Variants in RPTOR observed in about 807,000 individuals in gnomAD.
RPTOR encodes the protein regulatory-associated protein of mTOR.
Under a neutral mutation model 169.9 loss-of-function variants are expected in RPTOR, and 21 were observed. The ratio of observed to expected loss-of-function variants is 0.12; its 90% CI spans 0.09 to 0.18. The LOEUF is 0.18. RPTOR is among the 10% of genes least tolerant of loss of function. The probability of loss-of-function intolerance (pLI) is 1.00; values close to 1 mark genes in which losing one functional copy is unlikely to be tolerated. For synonymous variants in RPTOR, 732 were observed against 753.2 expected (o/e 0.97, Z 0.46); for missense variants, 1,133 against 1,855.9 (o/e 0.61, Z 7.16).
Position 80,959,979 on chromosome 17 carries a change from C to T in RPTOR, c.3478-99C>T, listed in dbSNP as rs1245777081. 1.4e-6 allele frequency: 2 copies of T among 1,478,584 alleles called. No individual in the cohort carries two copies. Among genetic ancestry groups the T allele is most frequent in the Middle Eastern group, 2.3e-4 (1 of 4,258 alleles). The allele number at this position is 1,478,584 out of a possible 1,614,324, so 91.6% of individuals were successfully genotyped here. A position where few individuals can be genotyped will look rare whatever the true frequency, so the allele number is the denominator to read the frequency against. On this transcript the variant is annotated intron_variant, in intron 29 of 33. Transcript: ENST00000306801. The surrounding 1 kb of genome is among the most constrained non-coding windows in gnomAD (Gnocchi z 6.7). ...CTGCAGCCAGGGAGGGTGATCCCCA[C>T]AGCCAGGCAGGCAGCAAGAGGGGTC...
At chr17:80,704,067 T>C (rs1173911165) in intron 3 of RPTOR, among the ~76,000 whole-genome samples, 1 of 152,182 alleles carries the variant, frequency 6.6e-6, no homozygotes, top group Non-Finnish European at 1.5e-5. Context: ...ATGGGGCTGT[T>C]GCTGCTGCGC....
chr17:80,867,893 G>A (rs9912092), intron 13 of RPTOR, among the ~76,000 whole-genome samples: 84,296 of 152,046 alleles, frequency 0.55, 24,254 homozygotes, highest in African/African-American at 0.71. Context: ...GAGATCGTCC[G>A]TTATCTTGAT....
chr17:80,731,503 G>A (rs555516037), intron 5 of RPTOR, among the ~76,000 whole-genome samples: 1 of 152,280 alleles, frequency 6.6e-6, no homozygotes, highest in South Asian at 2.1e-4. Context: ...GAAAGCCTGT[G>A]CACCGCTCTG....
intron 23 of RPTOR, 50 bp from the exon 24 acceptor site, chr17:80,925,320 A>T (rs758141413): frequency 1.3e-6 from 2 of 1,509,018 alleles, no homozygotes; most frequent in East Asian, 2.3e-5. Context: ...GAGTGGCATG[A>T]CTGACTGGTG....
chr17:80,646,257 C>G lies in RPTOR; in HGVS notation c.348+2447C>G, dbSNP rs998725590. Among the ~76,000 whole-genome samples, 1 of 152,162 alleles carries G rather than the reference C, an allele frequency of 6.6e-6. No homozygotes were observed. The highest frequency in any genetic ancestry group is 2.4e-5 in the African/African-American group (1 of 41,434). On this transcript the variant is annotated intron_variant, in intron 3 of 33. Transcript: ENST00000306801. This position sits in a 1 kb window ranked among gnomAD's most constrained non-coding sequence, Gnocchi z 5.0. ...GTACAATAAAAATGTTTAAAAATTT[C>G]CTGCTACTATCCATGAGCGGGCCTC...
At position 80,844,051 on chromosome 17, in the gene RPTOR, G is replaced by T. The variant is rs1598348196; in HGVS notation, c.1213-2422G>T. Reference sequence around the variant, plus strand: ...ATGGACTTCGCTCCCCTGCACGCAGGGGCCAGCTCAGGAGCTCTTCATGGG... The same window carrying T: ...ATGGACTTCGCTCCCCTGCACGCAGTGGCCAGCTCAGGAGCTCTTCATGGG... On this transcript the variant is annotated intron_variant, in intron 10 of 33. Coordinates refer to ENST00000306801, the MANE Select transcript of RPTOR (RefSeq NM_020761.3). The surrounding 1 kb of genome is among the most constrained non-coding windows in gnomAD (Gnocchi z 4.7). 6.6e-6 allele frequency among the ~76,000 whole-genome samples: 1 copy of T among 152,150 alleles called. No homozygotes were observed. Among genetic ancestry groups the T allele is most frequent in the East Asian group, 1.9e-4 (1 of 5,194 alleles).
chr17:80,789,120 T>C (rs984481776), intron 6 of RPTOR, among the ~76,000 whole-genome samples: 5 of 152,270 alleles, frequency 3.3e-5, no homozygotes, highest in African/African-American at 1.2e-4. Context: ...TATAATATGC[T>C]TATCTCCCAG....
At chr17:80,561,625 G>T (rs969865285) in intron 1 of RPTOR, among the ~76,000 whole-genome samples, 4 of 151,810 alleles carry the variant, frequency 2.6e-5, no homozygotes, top group Non-Finnish European at 4.4e-5. Context: ...TAGAAACAGG[G>T]TTTTACCATG....
intron 20 of RPTOR, among the ~76,000 whole-genome samples, chr17:80,904,725 C>A (rs2068519414): frequency 6.6e-6 from 1 of 152,140 alleles, no homozygotes; most frequent in African/African-American, 2.4e-5. Context: ...ATGGGAAGTT[C>A]TCTGCGGTCT....
At chr17:80,852,177 C>T (rs867938976) in intron 11 of RPTOR, among the ~76,000 whole-genome samples, 5 of 152,172 alleles carry the variant, frequency 3.3e-5, no homozygotes, top group East Asian at 1.9e-4. Context: ...TTGTGCTAGA[C>T]GCTTTACGGA....
intron 3 of RPTOR, among the ~76,000 whole-genome samples, chr17:80,669,908 C>G (rs2065809075): frequency 6.6e-6 from 1 of 152,048 alleles, no homozygotes; most frequent in Non-Finnish European, 1.5e-5. Context: ...TTCTGAATGC[C>G]TCTTTAGGCC....
At chr17:80,645,208 T>C (rs2143602324) in intron 3 of RPTOR, among the ~76,000 whole-genome samples, 1 of 152,284 alleles carries the variant, frequency 6.6e-6, no homozygotes, top group South Asian at 2.1e-4. Flanking sequence ...GACGGGCACT[T>C]GCAGGAGTGT....
At chr17:80,908,541 C>T (rs2068573157) in intron 20 of RPTOR, among the ~76,000 whole-genome samples, 1 of 152,194 alleles carries the variant, frequency 6.6e-6, no homozygotes. Context: ...TGAGGCATTT[C>T]AAGGAAAGTT....
chr17:80,668,827 G>A (rs541972403), intron 3 of RPTOR, among the ~76,000 whole-genome samples: 4 of 152,336 alleles, frequency 2.6e-5, no homozygotes, highest in African/African-American at 9.6e-5. Context: ...GTCCGCATTC[G>A]GGTTTGAGCA....
chr17:80,952,361 T>A (rs966598636), intron 28 of RPTOR, among the ~76,000 whole-genome samples: 2 of 152,200 alleles, frequency 1.3e-5, no homozygotes, highest in African/African-American at 2.4e-5. Context: ...CCACAGCACA[T>A]CTGATCTGGT....
intron 1 of RPTOR, among the ~76,000 whole-genome samples, chr17:80,616,071 A>G (rs571593206): frequency 6.6e-6 from 1 of 152,276 alleles, no homozygotes; most frequent in East Asian, 1.9e-4. Flanking sequence ...GGAGCCCTGC[A>G]TATTTTTACT....
chr17:80,545,752 C>T lies in RPTOR; in HGVS notation c.123C>T (p.Gly41=), dbSNP rs2143185564. The change falls in exon 1 of 34, where the codon GGC becomes GGT. Residue 41 remains glycine, a synonymous_variant. Coordinates refer to ENST00000306801, the MANE Select transcript of RPTOR (RefSeq NM_020761.3). The stretch of plus-strand genomic sequence containing the variant: ...AGAGGCACTGTGAGAAAATTGAAGG[C>T]TCCAAATCCTTAGCTCAGAGCTGGA... ...MKKRHCEKIE[G]SKSLAQSWRM... is the part of the protein sequence containing the mutation. 1 of 1,613,724 alleles carries T rather than the reference C, an allele frequency of 6.2e-7. No homozygotes were observed. Among genetic ancestry groups the T allele is most frequent in the South Asian group, 1.1e-5 (1 of 91,050 alleles).
intron 20 of RPTOR, among the ~76,000 whole-genome samples, chr17:80,905,019 G>C (rs750634122): frequency 6.6e-6 from 1 of 151,924 alleles, no homozygotes; most frequent in Non-Finnish European, 1.5e-5. Context: ...CGGTACGCGT[G>C]GGGGACTCAA....
At position 80,707,533 on chromosome 17, in the gene RPTOR, G is replaced by T. The variant is rs1347670425; in HGVS notation, c.349-308G>T. Among the ~76,000 whole-genome samples the T allele has an allele frequency of 6.6e-6, 1 of 151,976 alleles. No individual in the cohort carries two copies. Among genetic ancestry groups the T allele is most frequent in the African/African-American group, 2.4e-5 (1 of 41,344 alleles). On this transcript the variant is annotated intron_variant, in intron 3 of 33. Transcript: ENST00000306801. The surrounding 1 kb of genome is among the most constrained non-coding windows in gnomAD (Gnocchi z 5.0). ...TTCCACCTCAGCTGGGACTACAGGT[G>T]TGTGCCACCACACCTGGCTAATTTT...
Sources: allele counts gnomAD v4.1 joint callset (sites outside exome capture counted in the v4.1 genomes callset), GRCh38; gene constraint gnomAD v4.1.1; non-coding constraint Gnocchi (gnomAD v3.1); transcripts MANE v1.5; gene names NCBI Gene and HGNC (gene_info 2026-07-23, HGNC 2026-07-21).